NRCAM: variants seen among roughly 807,000 people sequenced by gnomAD.
NRCAM encodes NgCAM-related cell adhesion molecule.
A neutral mutation model predicts 156.5 loss-of-function variants in NRCAM; 83 were observed. The observed-to-expected ratio is 0.53, with a 90% CI of 0.44 to 0.64. NRCAM has a LOEUF of 0.64. Ranked by LOEUF, NRCAM falls within the 30% of genes least tolerant of loss-of-function variation. The probability of loss-of-function intolerance (pLI) is 0.00; values close to 1 mark genes in which losing one functional copy is unlikely to be tolerated. For synonymous variants in NRCAM, 538 were observed against 563.9 expected (o/e 0.95, Z 0.65); for missense variants, 1,417 against 1,597.3 (o/e 0.89, Z 1.92).
At chr7:108,280,469 A>G (rs1005396821) in intron 3 of NRCAM, among the ~76,000 whole-genome samples, 2 of 152,246 alleles carry the variant, frequency 1.3e-5, no homozygotes, top group African/African-American at 4.8e-5. Flanking sequence ...TACCTTTAAA[A>G]AGAATGACTG....
At chr7:108,199,698 T>C (rs1435490533) in intron 13 of NRCAM, among the ~76,000 whole-genome samples, 1 of 152,198 alleles carries the variant, frequency 6.6e-6, no homozygotes. Flanking sequence ...TGGGGGCTCA[T>C]GTAATTAAAT....
At chr7:108,191,625 G>T in intron 18 of NRCAM, 104 bp downstream of exon 18, 1 of 1,330,466 alleles carries the variant, frequency 7.5e-7, no homozygotes. Context: ...ACTCACCCAT[G>T]CATATTAACA....
At chr7:108,164,254 CCA>C (rs1477138343) in intron 30 of NRCAM, among the ~76,000 whole-genome samples, 1 of 151,618 alleles carries the variant, frequency 6.6e-6, no homozygotes, top group East Asian at 1.9e-4. Context: ...AGAGGTCATA[CCA>C]GTAGTACGGG....
chr7:108,219,410 T>C (rs970596052), intron 11 of NRCAM, among the ~76,000 whole-genome samples: 7 of 151,998 alleles, frequency 4.6e-5, no homozygotes, highest in Admixed American at 2.0e-4. Context: ...AAAGAAACTA[T>C]GGACTGATAT....
At chr7:108,289,167 T>C (rs1337137060) in intron 3 of NRCAM, among the ~76,000 whole-genome samples, 2 of 152,144 alleles carry the variant, frequency 1.3e-5, no homozygotes, top group Non-Finnish European at 2.9e-5. Flanking sequence ...AAATCCTTTA[T>C]ACACTACCAA....
rs1359052734 is a variant in NRCAM, at chr7:108,435,937, C to T, written c.-332+20306G>A. On this transcript the variant is annotated intron_variant, in intron 1 of 32. Transcript: ENST00000379028. ...CACGAGGGTAGGAGATCCAGACCAT[C>T]CTGGCTAACAAGGTAAAACCCCGTT... 4.6e-5 allele frequency among the ~76,000 whole-genome samples: 7 copies of T among 152,164 alleles called. No homozygotes were observed. In the East Asian group the frequency reaches 1.4e-3, roughly 29 times the overall value.
chr7:108,255,442 G>A (rs1404259955), intron 3 of NRCAM, among the ~76,000 whole-genome samples: 2 of 152,202 alleles, frequency 1.3e-5, no homozygotes, highest in African/African-American at 4.8e-5. Flanking sequence ...TGCCGGGATT[G>A]CAGACGGAGT....
At chr7:108,281,246 C>T (rs1428777286) in intron 3 of NRCAM, among the ~76,000 whole-genome samples, 2 of 152,054 alleles carry the variant, frequency 1.3e-5, no homozygotes, top group East Asian at 3.9e-4. Flanking sequence ...ATAACATGAA[C>T]TTTAAATATG....
chr7:108,330,179 AAAG>A (rs2099112402), intron 2 of NRCAM, among the ~76,000 whole-genome samples: 1 of 152,202 alleles, frequency 6.6e-6, no homozygotes, highest in Admixed American at 6.5e-5. Context: ...TTTCCATTGG[AAAG>A]AAGAATTTGT....
At chr7:108,396,008 G>A in intron 2 of NRCAM, among the ~76,000 whole-genome samples, 1 of 152,086 alleles carries the variant, frequency 6.6e-6, no homozygotes, top group East Asian at 1.9e-4. Flanking sequence ...GATACACACG[G>A]CAAACACTTA....
intron 20 of NRCAM, 66 bp downstream of exon 20, chr7:108,189,579 C>A: frequency 1.3e-6 from 1 of 742,864 alleles, no homozygotes; most frequent in East Asian, 2.6e-5. Flanking sequence ...ATTCAGCTGA[C>A]TGTTACAAAG....
At chr7:108,395,612 T>C (rs532944833) in intron 2 of NRCAM, among the ~76,000 whole-genome samples, 138 of 152,326 alleles carry the variant, frequency 9.1e-4, no homozygotes, top group African/African-American at 3.2e-3. Flanking sequence ...CACTTCCCAA[T>C]AGGAGTTTTC....
intron 1 of NRCAM, among the ~76,000 whole-genome samples, chr7:108,412,185 AC>A (rs1329975862): frequency 1.3e-5 from 2 of 152,166 alleles, no homozygotes; most frequent in Non-Finnish European, 2.9e-5. Context: ...GCGAAAAAAA[AC>A]AACTGAGTCT....
intron 1 of NRCAM, among the ~76,000 whole-genome samples, chr7:108,421,205 T>C (rs796594237): frequency 1.3e-5 from 2 of 152,274 alleles, no homozygotes; most frequent in African/African-American, 4.8e-5. Context: ...TAAAACAATA[T>C]AAAAGAATAA....
intron 2 of NRCAM, among the ~76,000 whole-genome samples, chr7:108,379,295 T>C (rs1563522140): frequency 6.6e-6 from 1 of 152,152 alleles, no homozygotes; most frequent in Non-Finnish European, 1.5e-5. Context: ...TATAATGAAA[T>C]ATTATTTGAC....
intron 3 of NRCAM, among the ~76,000 whole-genome samples, chr7:108,260,671 G>A (rs1199037462): frequency 6.6e-6 from 1 of 152,178 alleles, no homozygotes; most frequent in Non-Finnish European, 1.5e-5. Context: ...GGAGTCTGCA[G>A]TGATGTCAAC....
chr7:108,382,320 G>A (rs1035099272), intron 2 of NRCAM, among the ~76,000 whole-genome samples: 47 of 152,178 alleles, frequency 3.1e-4, no homozygotes, highest in African/African-American at 1.1e-3. Context: ...ACAAGGCTGG[G>A]CGCGGTGGTT....
intron 2 of NRCAM, among the ~76,000 whole-genome samples, chr7:108,390,534 C>T (rs939604922): frequency 2.0e-5 from 3 of 152,072 alleles, no homozygotes; most frequent in African/African-American, 4.8e-5. Flanking sequence ...CTCCTGGATG[C>T]ATTGATTTTT....
intron 3 of NRCAM, among the ~76,000 whole-genome samples, chr7:108,276,758 G>A (rs1434066113): frequency 6.6e-6 from 1 of 152,316 alleles, no homozygotes; most frequent in East Asian, 1.9e-4. Context: ...ATTGTTAGGT[G>A]TGAATTTGAT....
Sources: gnomAD v4.1 joint callset for allele counts (sites outside exome capture counted in the v4.1 genomes callset) on GRCh38, gnomAD v4.1.1 for gene constraint, MANE v1.5 for transcripts, NCBI Gene and HGNC (gene_info 2026-07-23, HGNC 2026-07-21) for gene names.